ZMYND8: variants seen among roughly 807,000 people sequenced by gnomAD.
The protein encoded by ZMYND8 is zinc finger MYND-type containing 8.
A neutral mutation model predicts 140.8 loss-of-function variants in ZMYND8; 37 were observed. The ratio of observed to expected loss-of-function variants is 0.26; its 90% CI spans 0.20 to 0.35. The LOEUF is 0.35. Ranked by LOEUF, ZMYND8 falls within the 10% of genes least tolerant of loss-of-function variation. The pLI is 1.00. For synonymous variants in ZMYND8, 592 were observed against 597.1 expected, an observed-to-expected ratio of 0.99 and a Z score of 0.12; for missense variants, 1,068 against 1,570.0, an observed-to-expected ratio of 0.68 and a Z score of 5.40.
At chr20:47,326,397 C>T (rs773393674) in intron 2 of ZMYND8, among the ~76,000 whole-genome samples, 9 of 152,168 alleles carry the variant, frequency 5.9e-5, no homozygotes, top group Non-Finnish European at 1.2e-4. Context: ...CCACCATGCC[C>T]GGCCTCCCAG....
chr20:47,246,650 A>C, intron 13 of ZMYND8, 133 bp from the exon 14 acceptor site: 6 of 1,266,382 alleles, frequency 4.7e-6, no homozygotes, highest in Non-Finnish European at 6.3e-6. Flanking sequence ...ATTGGCCTAA[A>C]TGGGGCCAGT....
chr20:47,253,207 T>C (rs2074326754), intron 12 of ZMYND8, among the ~76,000 whole-genome samples: 1 of 152,292 alleles, frequency 6.6e-6, no homozygotes, highest in East Asian at 1.9e-4. Flanking sequence ...CTGACTCAAT[T>C]GGCTGAGGGG....
Position 47,236,306 on chromosome 20 carries a change from T to C in ZMYND8, c.2856+20A>G, listed in dbSNP as rs1384465740. The stretch of plus-strand genomic sequence containing the variant: ...TGCCAGGTGTCTGCCATCTCCACGG[T>C]AGCTCTCCCATCCACTCACTTTGCT... On this transcript the variant is annotated intron_variant, in intron 16 of 22. Coordinates refer to ENST00000471951, the MANE Select transcript of ZMYND8 (RefSeq NM_001281775.3). The C allele has an allele frequency of 6.2e-7, 1 of 1,614,110 alleles. No individual in the cohort carries two copies. The highest frequency in any genetic ancestry group is 8.5e-7 in the Non-Finnish European group (1 of 1,179,974).
intron 2 of ZMYND8, 139 bp from the exon 3 acceptor site, chr20:47,310,343 TC>T: frequency 1.1e-6 from 1 of 927,130 alleles, no homozygotes; most frequent in Non-Finnish European, 1.6e-6. Flanking sequence ...GTGTTCCTCC[TC>T]CCAGAATATA....
intron 5 of ZMYND8, 23 bp from the exon 6 acceptor site, chr20:47,291,911 A>T (rs779716585): frequency 6.3e-7 from 1 of 1,593,688 alleles, no homozygotes; most frequent in Non-Finnish European, 8.6e-7. Flanking sequence ...AGATATGCAG[A>T]GGAACGAACC....
At chr20:47,322,948 G>C (rs1037112183) in intron 2 of ZMYND8, among the ~76,000 whole-genome samples, 1 of 152,198 alleles carries the variant, frequency 6.6e-6, no homozygotes, top group Non-Finnish European at 1.5e-5. Context: ...TTGTCGTTCA[G>C]TGTGTGGGCT....
chr20:47,343,641 A>G (rs1453534886), intron 2 of ZMYND8, among the ~76,000 whole-genome samples: 4 of 152,068 alleles, frequency 2.6e-5, no homozygotes, highest in Non-Finnish European at 4.4e-5. Flanking sequence ...TCTCCCAAGT[A>G]GCTGGGATTA....
intron 10 of ZMYND8, 113 bp downstream of exon 10, chr20:47,281,989 G>T: frequency 1.1e-6 from 1 of 877,336 alleles, no homozygotes; most frequent in Non-Finnish European, 1.8e-6. Context: ...TCAATGGTTG[G>T]TATCATGACA....
At chr20:47,297,515 CG>C (rs748866640) in intron 4 of ZMYND8, among the ~76,000 whole-genome samples, 37 of 151,988 alleles carry the variant, frequency 2.4e-4, no homozygotes, top group Non-Finnish European at 4.0e-4. Context: ...TCAACCATCT[CG>C]GCTCAAGTGA....
chr20:47,249,570 T>C, intron 12 of ZMYND8, 131 bp from the exon 13 acceptor site: 1 of 1,263,484 alleles, frequency 7.9e-7, no homozygotes. Context: ...TTTTTGTCAT[T>C]CATCCCAACA....
At chr20:47,280,742 C>G in intron 10 of ZMYND8, among the ~76,000 whole-genome samples, 1 of 152,158 alleles carries the variant, frequency 6.6e-6, no homozygotes, top group East Asian at 1.9e-4. Flanking sequence ...GAGGGATGTA[C>G]AGCCTGTCAC....
In ZMYND8 at chr20:47,238,987, G is replaced by GGGGGCC. The variant is rs748539408; in HGVS notation, c.2430_2435dup (p.Pro812_Ala813dup). The stretch of plus-strand genomic sequence containing the variant: ...TTTTCACTGGGCTTCCTGTGGCGGC[G>GGGGGCC]GGGGCCGGGGCCGTGACGGTGACCG... On this transcript the variant is annotated inframe_insertion, in exon 15 of 23. Transcript: ENST00000471951. 7.3e-5 allele frequency: 117 copies of GGGGGCC among 1,610,008 alleles called. No individual in the cohort carries two copies. In the African/African-American group the frequency reaches 1.3e-3, roughly 17 times the overall value.
rs201830261 is a variant in ZMYND8, at chr20:47,318,814, G to A, written c.86-8610C>T. ...AACTTCTCATCCAGAGCCGGGATAG[G>A]GAGGGCTGGAATGGAAATGAGGCTG... On this transcript the variant is annotated intron_variant, in intron 2 of 22. Transcript: ENST00000471951. 14 of 585,790 alleles carry A rather than the reference G, an allele frequency of 2.4e-5. No homozygotes were observed. The East Asian group carries it at 7.4e-4, about 31-fold the overall frequency. 36.3% of individuals were successfully genotyped at this position (585,790 alleles called of 1,614,324 possible).
chr20:47,261,579 TCA>T (rs1601390133), intron 12 of ZMYND8, among the ~76,000 whole-genome samples: 26 of 151,430 alleles, frequency 1.7e-4, no homozygotes, highest in Admixed American at 2.0e-4. Context: ...ATCATCATCA[TCA>T]TCATCATCAT....
intron 5 of ZMYND8, among the ~76,000 whole-genome samples, chr20:47,293,445 G>A (rs1212314490): frequency 6.6e-6 from 1 of 152,136 alleles, no homozygotes; most frequent in African/African-American, 2.4e-5. Context: ...GTACACAACT[G>A]GCCAACCCTT....
At chr20:47,318,635 C>T (rs1382492405) in intron 2 of ZMYND8, 4 of 427,634 alleles carry the variant, frequency 9.4e-6, no homozygotes, top group Non-Finnish European at 4.7e-6. Context: ...TTATTTCCTC[C>T]AACGCTGACC....
At chr20:47,307,823 A>G (rs2078614402) in intron 3 of ZMYND8, among the ~76,000 whole-genome samples, 1 of 151,824 alleles carries the variant, frequency 6.6e-6, no homozygotes, top group Non-Finnish European at 1.5e-5. Context: ...GTGAAACTCC[A>G]TCTCAAATAA....
intron 6 of ZMYND8, among the ~76,000 whole-genome samples, chr20:47,290,779 C>T (rs949658233): frequency 5.9e-5 from 9 of 151,580 alleles, no homozygotes; most frequent in Admixed American, 3.3e-4. Context: ...TTAGTAGAGA[C>T]GGGGTTTCTC....
chr20:47,269,036 C>G (rs1017869570), intron 11 of ZMYND8, among the ~76,000 whole-genome samples: 7 of 151,906 alleles, frequency 4.6e-5, no homozygotes, highest in African/African-American at 1.7e-4. Context: ...CCGCTCTCTA[C>G]TAAAAATAAA....
Sources: allele counts gnomAD v4.1 joint callset (sites outside exome capture counted in the v4.1 genomes callset), GRCh38; gene constraint gnomAD v4.1.1; transcripts MANE v1.5; gene names NCBI Gene and HGNC (gene_info 2026-07-23, HGNC 2026-07-21).